The following CCDC13 variants were observed in gnomAD, a reference collection of about 807,000 sequenced individuals.
CCDC13 encodes the protein coiled-coil domain containing 13.
A neutral mutation model predicts 87.3 loss-of-function variants in CCDC13; 70 were observed. The observed-to-expected ratio is 0.80, with a 90% confidence interval of 0.66 to 0.98. CCDC13 has a LOEUF of 0.98. Among genes scored for constraint, CCDC13 ranks in the 50% least tolerant of loss-of-function variants. CCDC13 has a pLI of 0.00. For synonymous variants in CCDC13, 317 were observed against 360.3 expected, an observed-to-expected ratio of 0.88 and a Z score of 1.36; for missense variants, 842 against 892.0, an observed-to-expected ratio of 0.94 and a Z score of 0.71.
In CCDC13 at chr3:42,751,713, A is replaced by G. The variant is rs191168252; in HGVS notation, c.603+223T>C. ...ACAGAGTTGGAGCTACACCCTCCAT[A>G]GCTTCCGACACGACATTCTTGGCCT... On this transcript the variant is annotated intron_variant, in intron 5 of 15. Transcript: ENST00000310232. Among the ~76,000 whole-genome samples the G allele has an allele frequency of 1.2e-4, 18 of 152,360 alleles. No individual in the cohort carries two copies. In the East Asian group the frequency reaches 3.3e-3, roughly 28 times the overall value.
intron 9 of CCDC13, among the ~76,000 whole-genome samples, chr3:42,737,922 C>T (rs1368142540): frequency 2.6e-5 from 4 of 152,082 alleles, no homozygotes; most frequent in African/African-American, 4.8e-5. Context: ...TAATTAGATC[C>T]CATTTGTCTA....
intron 1 of CCDC13, among the ~76,000 whole-genome samples, chr3:42,762,051 G>T (rs578173600): frequency 6.6e-6 from 1 of 152,284 alleles, no homozygotes; most frequent in Admixed American, 6.5e-5. Flanking sequence ...AAATCCCCAG[G>T]ATACAATCTA....
chr3:42,737,287 C>A (rs1699059296), intron 9 of CCDC13, among the ~76,000 whole-genome samples: 1 of 152,190 alleles, frequency 6.6e-6, no homozygotes, highest in Non-Finnish European at 1.5e-5. Context: ...TGTACATGTG[C>A]CACATTTTCT....
chr3:42,742,031 C>G (rs1439614291), intron 8 of CCDC13, among the ~76,000 whole-genome samples: 9 of 152,364 alleles, frequency 5.9e-5, no homozygotes, highest in African/African-American at 2.2e-4. Flanking sequence ...TGTTGTATGG[C>G]CTGCCTGCAC....
intron 13 of CCDC13, chr3:42,719,554 T>C (rs1698512668): frequency 6.6e-6 from 1 of 152,178 alleles, no homozygotes. Context: ...TATTGTTCCA[T>C]CATAAAGAGG....
Position 42,706,938 on chromosome 3 carries a change from C to A in CCDC13, c.*2042G>T, listed in dbSNP as rs1321197489. ...GCTGGTAAGTGGGGAGAGAAGTATG[C>A]CCCAGGCAGCCCCACCTGTCCAGAC... On this transcript the variant is annotated 3_prime_UTR_variant, in exon 16 of 16. Transcript: ENST00000310232. 1.3e-5 allele frequency among the ~76,000 whole-genome samples: 2 copies of A among 152,162 alleles called. No homozygotes were observed. Among genetic ancestry groups the A allele is most frequent in the African/African-American group, 4.8e-5 (2 of 41,438 alleles).
intron 13 of CCDC13, among the ~76,000 whole-genome samples, chr3:42,715,474 C>T (rs1040601370): frequency 2.6e-5 from 4 of 151,742 alleles, no homozygotes; most frequent in Admixed American, 6.6e-5. Context: ...AAGCCTGGCA[C>T]GGTGGCGTGT....
At chr3:42,714,390 C>T (rs1017973386) in intron 13 of CCDC13, among the ~76,000 whole-genome samples, 8 of 152,208 alleles carry the variant, frequency 5.3e-5, no homozygotes, top group Non-Finnish European at 1.2e-4. Context: ...AGCCATGACG[C>T]ACAGTGTCAT....
intron 1 of CCDC13, among the ~76,000 whole-genome samples, chr3:42,759,617 A>T (rs570247362): frequency 6.6e-6 from 1 of 152,236 alleles, no homozygotes; most frequent in African/African-American, 2.4e-5. Flanking sequence ...GTCATTGCAC[A>T]CATTATAAGC....
At chr3:42,767,556 C>T (rs1409425553) in intron 1 of CCDC13, among the ~76,000 whole-genome samples, 1 of 152,176 alleles carries the variant, frequency 6.6e-6, no homozygotes, top group Non-Finnish European at 1.5e-5. Context: ...GAAATCCCAG[C>T]AAATTACTGT....
At chr3:42,750,302 C>T (rs1430262808) in intron 5 of CCDC13, among the ~76,000 whole-genome samples, 3 of 152,188 alleles carry the variant, frequency 2.0e-5, no homozygotes, top group Non-Finnish European at 4.4e-5. Context: ...CTCCTCCGTC[C>T]CACCTTCCAG....
At chr3:42,720,050 T>C (rs1698524570) in intron 13 of CCDC13, among the ~76,000 whole-genome samples, 1 of 152,222 alleles carries the variant, frequency 6.6e-6, no homozygotes, top group South Asian at 2.1e-4. Flanking sequence ...TTTACTAAAT[T>C]CTTTAAGATC....
At chr3:42,765,313 C>T (rs1250555920) in intron 1 of CCDC13, among the ~76,000 whole-genome samples, 1 of 152,198 alleles carries the variant, frequency 6.6e-6, no homozygotes, top group Non-Finnish European at 1.5e-5. Flanking sequence ...TGGTCCAGAC[C>T]GGCCCCCAGA....
chr3:42,709,841 C>A, intron 14 of CCDC13, 43 bp from the exon 15 acceptor site: 1 of 1,434,798 alleles, frequency 7.0e-7, no homozygotes, highest in Non-Finnish European at 9.8e-7. Context: ...AGGCCACAGC[C>A]CTGTGCTAGC....
intron 1 of CCDC13, among the ~76,000 whole-genome samples, chr3:42,764,250 G>C (rs912517759): frequency 5.9e-5 from 9 of 152,122 alleles, no homozygotes; most frequent in African/African-American, 1.9e-4. Flanking sequence ...AAGGGAGGAG[G>C]GTATAATGAG....
At chr3:42,716,989 T>A (rs1309935032) in intron 13 of CCDC13, among the ~76,000 whole-genome samples, 1 of 152,170 alleles carries the variant, frequency 6.6e-6, no homozygotes, top group Non-Finnish European at 1.5e-5. Flanking sequence ...TATTCAGTCA[T>A]AAAAAGGAAT....
intron 9 of CCDC13, among the ~76,000 whole-genome samples, chr3:42,736,514 A>C (rs1450474140): frequency 1.3e-5 from 2 of 152,216 alleles, no homozygotes. Flanking sequence ...TGCAGCTCTC[A>C]TCATGCCACT....
At chr3:42,732,865 T>C in intron 12 of CCDC13, 22 bp downstream of exon 12, 1 of 1,544,346 alleles carries the variant, frequency 6.5e-7, no homozygotes, top group Non-Finnish European at 8.8e-7. Flanking sequence ...ACTGTGAGAG[T>C]CCGGGGGTCG....
At chr3:42,762,471 G>A (rs1699853989) in intron 1 of CCDC13, among the ~76,000 whole-genome samples, 1 of 152,200 alleles carries the variant, frequency 6.6e-6, no homozygotes, top group Admixed American at 6.5e-5. Context: ...TGCAGGGTAG[G>A]CTGGAGGGGG....
Sources: allele counts gnomAD v4.1 joint callset (sites outside exome capture counted in the v4.1 genomes callset), GRCh38; gene constraint gnomAD v4.1.1; transcripts MANE v1.5; gene names NCBI Gene and HGNC (gene_info 2026-07-23, HGNC 2026-07-21).